DLGAP1: variants seen among roughly 807,000 people sequenced by gnomAD.
The protein encoded by DLGAP1 is disks large-associated protein 1.
DLGAP1 carries 11 observed loss-of-function variants against 90.8 expected under a neutral mutation model. The ratio of observed to expected loss-of-function variants is 0.12; its 90% CI spans 0.08 to 0.20. The LOEUF is 0.20. Among genes scored for constraint, DLGAP1 ranks in the 10% least tolerant of loss-of-function variants. DLGAP1 has a pLI of 1.00. For synonymous variants in DLGAP1, 558 were observed against 540.7 expected (o/e 1.03, Z -0.44); for missense variants, 1,050 against 1,333.8 (o/e 0.79, Z 3.31).
intron 1 of DLGAP1, among the ~76,000 whole-genome samples, chr18:4,447,406 T>C (rs1308415911): frequency 1.3e-5 from 2 of 152,140 alleles, no homozygotes; most frequent in African/African-American, 4.8e-5. Flanking sequence ...TACTTATAAA[T>C]AGTCTAAAAA....
chr18:4,268,365 T>C (rs549521206), intron 1 of DLGAP1, among the ~76,000 whole-genome samples: 1 of 152,156 alleles, frequency 6.6e-6, no homozygotes, highest in Non-Finnish European at 1.5e-5. Flanking sequence ...AAATAGAAAG[T>C]ATGCCGGGGA....
chr18:4,357,401 G>A lies in DLGAP1; in HGVS notation c.-267+97605C>T, dbSNP rs562162140. 5.9e-5 allele frequency among the ~76,000 whole-genome samples: 9 copies of A among 151,800 alleles called. No individual in the cohort carries two copies. The East Asian group carries it at 1.4e-3, about 23-fold the overall frequency. Reference sequence around the variant, plus strand: ...ACTCCTGACCTCAAATGATCCACCCGCCTCGGCCTCCCACCATTTCTTTCT... The same window carrying A: ...ACTCCTGACCTCAAATGATCCACCCACCTCGGCCTCCCACCATTTCTTTCT... On this transcript the variant is annotated intron_variant, in intron 1 of 12. Transcript: ENST00000315677.
At chr18:4,452,124 G>T (rs529211105) in intron 1 of DLGAP1, among the ~76,000 whole-genome samples, 98 of 152,164 alleles carry the variant, frequency 6.4e-4, no homozygotes, top group South Asian at 1.7e-3. Context: ...GATTTTAATT[G>T]GATGCTTCCT....
At chr18:3,747,287 T>C (rs2063310634) in intron 5 of DLGAP1, among the ~76,000 whole-genome samples, 1 of 152,200 alleles carries the variant, frequency 6.6e-6, no homozygotes, top group Admixed American at 6.5e-5. Context: ...CAGGTCAAGG[T>C]AATATTTTCC....
At chr18:3,833,047 C>T (rs2068119408) in intron 4 of DLGAP1, among the ~76,000 whole-genome samples, 1 of 152,194 alleles carries the variant, frequency 6.6e-6, no homozygotes, top group African/African-American at 2.4e-5. Flanking sequence ...AGGAGAATCT[C>T]ATAAATAACA....
At chr18:4,451,459 A>G (rs2083828785) in intron 1 of DLGAP1, among the ~76,000 whole-genome samples, 1 of 152,178 alleles carries the variant, frequency 6.6e-6, no homozygotes, top group South Asian at 2.1e-4. Flanking sequence ...ACAATCGGTT[A>G]TCTGTGGGTG....
intron 7 of DLGAP1, among the ~76,000 whole-genome samples, chr18:3,656,852 T>C (rs959258526): frequency 7.2e-5 from 11 of 152,066 alleles, no homozygotes; most frequent in African/African-American, 2.4e-4. Context: ...GTGGACGCCA[T>C]TCTCCTGCCT....
chr18:3,854,825 G>A (rs1312314316), intron 4 of DLGAP1, among the ~76,000 whole-genome samples: 1 of 152,170 alleles, frequency 6.6e-6, no homozygotes, highest in Non-Finnish European at 1.5e-5. Flanking sequence ...AGACAAGCTG[G>A]TACTTTGATA....
At chr18:4,313,689 C>A (rs2080456429) in intron 1 of DLGAP1, among the ~76,000 whole-genome samples, 1 of 151,960 alleles carries the variant, frequency 6.6e-6, no homozygotes, top group African/African-American at 2.4e-5. Flanking sequence ...ATCCTCTGAA[C>A]AAAAAGAGAA....
chr18:4,432,405 C>T (rs1222792854), intron 1 of DLGAP1, among the ~76,000 whole-genome samples: 2 of 151,912 alleles, frequency 1.3e-5, no homozygotes, highest in Non-Finnish European at 2.9e-5. Flanking sequence ...GTTTTCCCCA[C>T]CTCTGATATT....
At chr18:3,893,581 AAATAATAAT>A (rs57334634) in intron 3 of DLGAP1, among the ~76,000 whole-genome samples, 6,825 of 143,016 alleles carry the variant, frequency 0.048, 166 homozygotes, top group African/African-American at 0.055. Context: ...CTCAATCTCA[AAATAATAAT>A]AATAATAATA....
At chr18:3,915,511 T>C (rs1350755991) in intron 3 of DLGAP1, among the ~76,000 whole-genome samples, 2 of 152,200 alleles carry the variant, frequency 1.3e-5, no homozygotes, top group Admixed American at 6.5e-5. Context: ...AAGCTGCTAA[T>C]TGCAACTTAA....
chr18:3,741,173 T>TCACCACCAC (rs576587206), intron 6 of DLGAP1, among the ~76,000 whole-genome samples: 32 of 23,492 alleles, frequency 1.4e-3, no homozygotes, highest in African/African-American at 5.7e-3. Context: ...CACCACCACA[T>TCACCACCAC]CACCACCACC....
chr18:4,216,320 C>G (rs2077955597), intron 1 of DLGAP1, among the ~76,000 whole-genome samples: 1 of 151,648 alleles, frequency 6.6e-6, no homozygotes, highest in African/African-American at 2.4e-5. Context: ...CCTCCCATGA[C>G]ACATGGGGAT....
chr18:4,399,932 A>G (rs1293452375), intron 1 of DLGAP1, among the ~76,000 whole-genome samples: 2 of 152,148 alleles, frequency 1.3e-5, no homozygotes, highest in Non-Finnish European at 2.9e-5. Context: ...CGGGAAAAAA[A>G]GCTAGGTATG....
chr18:4,049,886 G>C (rs1387458561), intron 2 of DLGAP1, among the ~76,000 whole-genome samples: 1 of 150,484 alleles, frequency 6.6e-6, no homozygotes. Context: ...GTCTATTCAC[G>C]TATCTACCTA....
intron 1 of DLGAP1, among the ~76,000 whole-genome samples, chr18:4,352,757 A>G (rs1378830786): frequency 6.6e-6 from 1 of 151,808 alleles, no homozygotes; most frequent in East Asian, 1.9e-4. Context: ...TAAAACACAC[A>G]CTCACGACCA....
intron 1 of DLGAP1, among the ~76,000 whole-genome samples, chr18:4,172,442 G>A (rs1234925463): frequency 6.6e-6 from 1 of 152,188 alleles, no homozygotes; most frequent in Non-Finnish European, 1.5e-5. Context: ...AGTCTTGCAT[G>A]CGCGTGAATA....
chr18:4,308,278 C>T (rs559671054), intron 1 of DLGAP1, among the ~76,000 whole-genome samples: 1 of 152,300 alleles, frequency 6.6e-6, no homozygotes, highest in South Asian at 2.1e-4. Flanking sequence ...TGCAACCATG[C>T]AGAGGTACTC....
Sources: allele counts gnomAD v4.1 joint callset (sites outside exome capture counted in the v4.1 genomes callset), GRCh38; gene constraint gnomAD v4.1.1; transcripts MANE v1.5; gene names NCBI Gene and HGNC (gene_info 2026-07-23, HGNC 2026-07-21).